GMDS: variants seen among roughly 807,000 people sequenced by gnomAD.
GMDS encodes GDP-mannose 4,6 dehydratase.
Under a neutral mutation model 49.9 loss-of-function variants are expected in GMDS, and 20 were observed. The observed-to-expected ratio is 0.40, with a 90% CI of 0.28 to 0.58. The LOEUF is 0.58. GMDS is among the 20% of genes least tolerant of loss of function. GMDS has a pLI of 0.42. For missense variants in GMDS, 362 were observed against 481.4 expected (o/e 0.75, Z 2.32); for synonymous variants, 177 against 178.6 (o/e 0.99, Z 0.07).
intron 7 of GMDS, among the ~76,000 whole-genome samples, chr6:1,765,870 C>T (rs775500530): frequency 3.9e-5 from 6 of 152,184 alleles, no homozygotes; most frequent in African/African-American, 1.2e-4. Context: ...GCAGAACAAA[C>T]GCAAAGGCCT....
chr6:2,115,091 C>T (rs1019653314), intron 4 of GMDS, among the ~76,000 whole-genome samples: 2 of 152,142 alleles, frequency 1.3e-5, no homozygotes, highest in Non-Finnish European at 2.9e-5. Flanking sequence ...AAATAGAACT[C>T]CTATCATTCA....
chr6:1,675,071 G>A (rs1485411482), intron 9 of GMDS, among the ~76,000 whole-genome samples: 2 of 151,992 alleles, frequency 1.3e-5, no homozygotes, highest in South Asian at 4.1e-4. Context: ...CCAAGTAGCT[G>A]GGATTACAGG....
At chr6:1,876,893 A>T (rs977065183) in intron 7 of GMDS, among the ~76,000 whole-genome samples, 1 of 152,226 alleles carries the variant, frequency 6.6e-6, no homozygotes, top group African/African-American at 2.4e-5. Flanking sequence ...AAACCAGGAG[A>T]AAGTGACCAC....
At chr6:2,033,594 G>T (rs182571379) in intron 4 of GMDS, among the ~76,000 whole-genome samples, 311 of 152,314 alleles carry the variant, frequency 2.0e-3, no homozygotes, top group African/African-American at 7.4e-3. Flanking sequence ...TTTCTTAAAA[G>T]AATGCTTTCA....
At position 1,759,081 on chromosome 6, in the gene GMDS, C is replaced by A. The variant is rs540601137; in HGVS notation, c.772-16495G>T. On this transcript the variant is annotated intron_variant, in intron 7 of 10. Coordinates refer to ENST00000380815, the MANE Select transcript of GMDS (RefSeq NM_001500.4). ...GGGACTACAGGTGTGCGCCACCACG[C>A]CCGGCTAATTTTTTCATCAGGATGA... Among the ~76,000 whole-genome samples, 16 of 152,212 alleles carry A rather than the reference C, an allele frequency of 1.1e-4. 1 individual carries two copies. The South Asian group carries it at 2.5e-3, about 24-fold the overall frequency.
At chr6:1,691,290 G>C (rs1463588179) in intron 9 of GMDS, among the ~76,000 whole-genome samples, 2 of 151,768 alleles carry the variant, frequency 1.3e-5, no homozygotes, top group African/African-American at 4.8e-5. Context: ...GTTCTCACTC[G>C]TAAGTGGGAG....
chr6:2,050,893 T>C (rs1289561316), intron 4 of GMDS, among the ~76,000 whole-genome samples: 1 of 151,874 alleles, frequency 6.6e-6, no homozygotes, highest in Non-Finnish European at 1.5e-5. Context: ...TTCTCACTCA[T>C]AGGTGGGAAA....
chr6:1,952,758 T>G (rs1271266846), intron 6 of GMDS, among the ~76,000 whole-genome samples: 1 of 151,798 alleles, frequency 6.6e-6, no homozygotes, highest in Non-Finnish European at 1.5e-5. Flanking sequence ...GAAAAGAAGA[T>G]CCACAGGGAG....
chr6:2,222,141 ACT>A (rs1470674219), intron 1 of GMDS, among the ~76,000 whole-genome samples: 1 of 152,228 alleles, frequency 6.6e-6, no homozygotes, highest in Admixed American at 6.5e-5. Context: ...GCTTTTACAC[ACT>A]GTCACCAAAT....
chr6:2,016,946 A>G (rs1767939585), intron 4 of GMDS, among the ~76,000 whole-genome samples: 1 of 152,200 alleles, frequency 6.6e-6, no homozygotes, highest in Non-Finnish European at 1.5e-5. Context: ...ACTTATAGAA[A>G]GAGCAGAAAG....
chr6:1,693,273 G>A (rs1561733579), intron 9 of GMDS, among the ~76,000 whole-genome samples: 1 of 152,190 alleles, frequency 6.6e-6, no homozygotes, highest in African/African-American at 2.4e-5. Flanking sequence ...GTTTCCTCCT[G>A]TGCTGATCAG....
At chr6:2,070,847 C>G (rs1313914485) in intron 4 of GMDS, among the ~76,000 whole-genome samples, 1 of 152,172 alleles carries the variant, frequency 6.6e-6, no homozygotes, top group Non-Finnish European at 1.5e-5. Flanking sequence ...GGATTCCCAT[C>G]AGAGTGTATA....
chr6:2,010,045 C>T (rs536284264), intron 4 of GMDS, among the ~76,000 whole-genome samples: 1 of 152,050 alleles, frequency 6.6e-6, no homozygotes, highest in Non-Finnish European at 1.5e-5. Context: ...CACAGCACAT[C>T]AGGCTGGGCA....
chr6:1,663,949 T>TA (rs1764164052), intron 9 of GMDS, among the ~76,000 whole-genome samples: 1 of 152,202 alleles, frequency 6.6e-6, no homozygotes, highest in Non-Finnish European at 1.5e-5. Flanking sequence ...ATAAGTCACC[T>TA]ACTGGCTTAG....
chr6:1,701,132 A>G (rs974784292), intron 9 of GMDS, among the ~76,000 whole-genome samples: 4 of 152,100 alleles, frequency 2.6e-5, no homozygotes, highest in African/African-American at 9.7e-5. Context: ...GCCCTCCTTC[A>G]TTTCTTCCTG....
At chr6:2,192,346 T>C (rs1264107542) in intron 1 of GMDS, among the ~76,000 whole-genome samples, 2 of 152,184 alleles carry the variant, frequency 1.3e-5, no homozygotes, top group Admixed American at 1.3e-4. Flanking sequence ...CTCTTTGCCT[T>C]GCTCACCCTC....
chr6:2,061,807 C>T (rs1771199994), intron 4 of GMDS, among the ~76,000 whole-genome samples: 1 of 150,724 alleles, frequency 6.6e-6, no homozygotes, highest in African/African-American at 2.4e-5. Context: ...ATTACAGATG[C>T]TTATTACAGC....
At chr6:1,979,612 A>G (rs1765108938) in intron 4 of GMDS, among the ~76,000 whole-genome samples, 1 of 152,238 alleles carries the variant, frequency 6.6e-6, no homozygotes, top group African/African-American at 2.4e-5. Flanking sequence ...ACCAAGTTGG[A>G]AAATATACTT....
rs35503764 is a variant in GMDS, at chr6:2,212,707, TAAAAAAAA to T, written c.102+32606_102+32613del. Among the ~76,000 whole-genome samples, 4 of 113,586 alleles carry T rather than the reference TAAAAAAAA, an allele frequency of 3.5e-5. No individual in the cohort carries two copies. In the South Asian group the frequency reaches 8.3e-4, roughly 24 times the overall value. The allele number at this position is 113,586 out of a possible 152,430, so 74.5% of individuals were successfully genotyped here. A position where few individuals can be genotyped will look rare whatever the true frequency, so the allele number is the denominator to read the frequency against. On this transcript the variant is annotated intron_variant, in intron 1 of 10. Transcript: ENST00000380815. ...CTTATACCAAAATTAGATTAACTTG[TAAAAAAAA>T]AAAAAAAAAAAAAACTAAATTAGAA... is the stretch of plus-strand genomic sequence containing the variant.
Sources: gnomAD v4.1 joint callset for allele counts (sites outside exome capture counted in the v4.1 genomes callset) on GRCh38, gnomAD v4.1.1 for gene constraint, MANE v1.5 for transcripts, NCBI Gene and HGNC (gene_info 2026-07-23, HGNC 2026-07-21) for gene names.